PXN: variants seen among roughly 807,000 people sequenced by gnomAD.
PXN encodes the protein testicular tissue protein Li 134.
Under a neutral mutation model 103.6 loss-of-function variants are expected in PXN, and 61 were observed. That is an observed-to-expected ratio of 0.59 (90% confidence interval 0.48 to 0.73). The LOEUF is 0.73. PXN is among the 30% of genes least tolerant of loss of function. The pLI, the probability that PXN is intolerant of heterozygous loss-of-function variation, is 0.00. For missense variants in PXN, 1,274 were observed against 1,460.3 expected (o/e 0.87, Z 2.08); for synonymous variants, 562 against 607.8 (o/e 0.92, Z 1.11).
At position 120,215,087 on chromosome 12, in the gene PXN, C is replaced by T; in HGVS notation, c.2574+16G>A. Reference sequence around the variant, plus strand: ...GGAGTCCACTGGCCACACCCCTGCCCACTCCCCCTCATCACCTGCCCGGCG... The same window carrying T: ...GGAGTCCACTGGCCACACCCCTGCCTACTCCCCCTCATCACCTGCCCGGCG... On this transcript the variant is annotated intron_variant, in intron 11 of 14. Transcript: ENST00000637617. This position sits in a 1 kb window ranked among gnomAD's most constrained non-coding sequence, Gnocchi z 4.9. 2.5e-6 allele frequency: 4 copies of T among 1,587,764 alleles called. No homozygotes were observed. Among genetic ancestry groups the T allele is most frequent in the East Asian group, 2.2e-5 (1 of 44,498 alleles).
intron 1 of PXN, among the ~76,000 whole-genome samples, chr12:120,259,248 C>T (rs554876422): frequency 3.3e-5 from 5 of 151,858 alleles, no homozygotes; most frequent in South Asian, 2.1e-4. Context: ...AAAAATTAGC[C>T]GGGTGTGGTG....
intron 1 of PXN, among the ~76,000 whole-genome samples, chr12:120,261,968 C>T (rs575693291): frequency 6.6e-6 from 1 of 152,318 alleles, no homozygotes; most frequent in East Asian, 1.9e-4. Flanking sequence ...AGGTCTGGCA[C>T]TGATGCAGAG....
At position 120,221,421 on chromosome 12, in the gene PXN, G is replaced by A. The variant is rs951542697; in HGVS notation, c.831+202C>T. Among the ~76,000 whole-genome samples, 1 of 152,170 alleles carries A rather than the reference G, an allele frequency of 6.6e-6. No homozygotes were observed. The highest frequency in any genetic ancestry group is 6.5e-5 in the Admixed American group (1 of 15,274). ...AGCTTGTCTGCCTTCACTGGCTACTGCAATCCTCAGGCAGGCTGACCCGGC... is the reference window on the plus strand; with the variant it reads ...AGCTTGTCTGCCTTCACTGGCTACTACAATCCTCAGGCAGGCTGACCCGGC... On this transcript the variant is annotated intron_variant, in intron 6 of 14. Transcript: ENST00000637617. The surrounding 1 kb of genome is among the most constrained non-coding windows in gnomAD (Gnocchi z 6.6).
intron 1 of PXN, chr12:120,226,913 G>C: frequency 1.0e-6 from 1 of 992,484 alleles, no homozygotes; most frequent in South Asian, 4.4e-5. Flanking sequence ...GCAAATATCA[G>C]GCTCTCCAGA....
intron 2 of PXN, 32 bp from the exon 3 acceptor site, chr12:120,223,865 C>T (rs116782844): frequency 1.1e-5 from 17 of 1,498,244 alleles, no homozygotes; most frequent in Non-Finnish European, 1.5e-5. Flanking sequence ...GAGGCTACCC[C>T]GAGGGGAGAA....
intron 1 of PXN, among the ~76,000 whole-genome samples, chr12:120,242,753 C>T (rs1333539965): frequency 2.6e-5 from 4 of 152,030 alleles, no homozygotes; most frequent in Admixed American, 1.3e-4. Context: ...TGGTGGTACA[C>T]GCCTGTAATC....
In PXN at chr12:120,225,953, G is replaced by A. The variant is rs1886751159; in HGVS notation, c.14-1576C>T. ...GGACAGAGGGGATGTCTGTTCCAAG[G>A]CCCAGGACCCCGGGTCTGGTCGCCT... On this transcript the variant is annotated intron_variant, in intron 1 of 14. Coordinates refer to ENST00000637617, the MANE Select transcript of PXN (RefSeq NM_001385981.1). This position sits in a 1 kb window ranked among gnomAD's most constrained non-coding sequence, Gnocchi z 4.4. The A allele has an allele frequency of 1.9e-5, 12 of 633,600 alleles. 1 individual carries two copies. The South Asian group carries it at 4.3e-4, about 23-fold the overall frequency. 39.2% of individuals were successfully genotyped at this position (633,600 alleles called of 1,614,324 possible).
intron 1 of PXN, among the ~76,000 whole-genome samples, chr12:120,249,027 C>T (rs1048833808): frequency 2.0e-5 from 3 of 151,946 alleles, no homozygotes; most frequent in African/African-American, 4.8e-5. Context: ...ATCCCAGATA[C>T]GTGGGAGGCT....
chr12:120,231,818 C>T (rs1888106259), intron 1 of PXN, among the ~76,000 whole-genome samples: 2 of 152,224 alleles, frequency 1.3e-5, no homozygotes, highest in South Asian at 4.1e-4. Context: ...AGAAGACCAA[C>T]TGTGCCAGGC....
intron 7 of PXN, among the ~76,000 whole-genome samples, chr12:120,218,426 T>C (rs1331528104): frequency 6.6e-6 from 1 of 152,030 alleles, no homozygotes; most frequent in Non-Finnish European, 1.5e-5. Context: ...CAGGCTGGAG[T>C]GCAATGGTAT....
At chr12:120,238,932 C>T (rs1013729466) in intron 1 of PXN, among the ~76,000 whole-genome samples, 6 of 152,190 alleles carry the variant, frequency 3.9e-5, no homozygotes, top group African/African-American at 1.2e-4. Flanking sequence ...GACAAGAAAT[C>T]CCGTGCTTCT....
Position 120,250,247 on chromosome 12 carries a change from G to A in PXN, c.13+15370C>T, listed in dbSNP as rs978617011. On this transcript the variant is annotated intron_variant, in intron 1 of 14. Coordinates refer to ENST00000637617, the MANE Select transcript of PXN (RefSeq NM_001385981.1). ...AGAGGAATGTTCCTGGAAACAGAGG[G>A]GGCAAAGCTCGGCCAGGACTCTCTG... 4 of 959,838 alleles carry A rather than the reference G, an allele frequency of 4.2e-6. No individual in the cohort carries two copies. In the African/African-American group the frequency reaches 5.3e-5, roughly 13 times the overall value. The allele number at this position is 959,838 out of a possible 1,614,324, so 59.5% of individuals were successfully genotyped here.
At chr12:120,260,146 G>C (rs1893644350) in intron 1 of PXN, among the ~76,000 whole-genome samples, 1 of 152,124 alleles carries the variant, frequency 6.6e-6, no homozygotes, top group African/African-American at 2.4e-5. Flanking sequence ...AGGGAGGATT[G>C]GGGCCTCCCC....
intron 1 of PXN, among the ~76,000 whole-genome samples, chr12:120,227,985 A>C (rs976375173): frequency 6.6e-6 from 1 of 152,210 alleles, no homozygotes. Flanking sequence ...GGGGTCCCCC[A>C]GTGTCCGGCT....
At position 120,238,523 on chromosome 12, in the gene PXN, T is replaced by C. The variant is rs1889548913; in HGVS notation, c.14-14146A>G. The stretch of plus-strand genomic sequence containing the variant: ...CACCTCGCCCCTGGTTTGGATTTTA[T>C]TGCAGGAGACACTCTGGGGCTCCGC... On this transcript the variant is annotated intron_variant, in intron 1 of 14. Transcript: ENST00000637617. 2.0e-5 allele frequency among the ~76,000 whole-genome samples: 3 copies of C among 152,186 alleles called. No homozygotes were observed. The South Asian group carries it at 6.2e-4, about 31-fold the overall frequency.
At chr12:120,262,807 G>A (rs1475819364) in intron 1 of PXN, among the ~76,000 whole-genome samples, 1 of 152,120 alleles carries the variant, frequency 6.6e-6, no homozygotes, top group African/African-American at 2.4e-5. Flanking sequence ...AGCGAACTCT[G>A]GGCCAAACCA....
At position 120,216,236 on chromosome 12, in the gene PXN, C is replaced by A; in HGVS notation, c.2301+37G>T. The A allele has an allele frequency of 7.9e-7, 1 of 1,271,352 alleles. No individual in the cohort carries two copies. Among genetic ancestry groups the A allele is most frequent in the Non-Finnish European group, 9.9e-7 (1 of 1,012,572 alleles). 78.8% of individuals were successfully genotyped at this position (1,271,352 alleles called of 1,614,324 possible). ...GTGGGGGATGGCTCAGGCATTAGGA[C>A]AGGGGACAGAAAGGGAGGGGCTCCT... On this transcript the variant is annotated intron_variant, in intron 9 of 14. Transcript: ENST00000637617. The surrounding 1 kb of genome is among the most constrained non-coding windows in gnomAD (Gnocchi z 5.1).
Position 120,224,075 on chromosome 12 carries a change from T to C in PXN, c.240+76A>G. The C allele has an allele frequency of 8.2e-7, 1 of 1,213,888 alleles. No individual in the cohort carries two copies. Among genetic ancestry groups the C allele is most frequent in the African/African-American group, 1.5e-5 (1 of 65,084 alleles). The allele number at this position is 1,213,888 out of a possible 1,614,324, so 75.2% of individuals were successfully genotyped here. On this transcript the variant is annotated intron_variant, in intron 2 of 14. Transcript: ENST00000637617. This position sits in a 1 kb window ranked among gnomAD's most constrained non-coding sequence, Gnocchi z 5.0. ...CCCCAATTCCATTCCATCCCCTGGC[T>C]CCCTAAGCCCCTGCCAGCTAAGTTC...
intron 1 of PXN, among the ~76,000 whole-genome samples, chr12:120,236,190 G>A (rs2136456070): frequency 6.6e-6 from 1 of 152,368 alleles, no homozygotes; most frequent in African/African-American, 2.4e-5. Flanking sequence ...AACACGCTGG[G>A]GAAACACAAG....
Sources: gnomAD v4.1 joint callset for allele counts (sites outside exome capture counted in the v4.1 genomes callset) on GRCh38, gnomAD v4.1.1 for gene constraint, Gnocchi (gnomAD v3.1) non-coding constraint, MANE v1.5 for transcripts, NCBI Gene and HGNC (gene_info 2026-07-23, HGNC 2026-07-21) for gene names.